The following RHBDD1 variants were observed in gnomAD, a reference collection of about 807,000 sequenced individuals.
RHBDD1 encodes the protein rhomboid domain containing 1.
Under a neutral mutation model 36.3 loss-of-function variants are expected in RHBDD1, and 38 were observed. The ratio of observed to expected loss-of-function variants is 1.05; its 90% CI spans 0.81 to 1.37. RHBDD1 has a LOEUF of 1.37. Among genes scored for constraint, RHBDD1 ranks in the 40% most tolerant of loss-of-function variants. The pLI is 0.00. For missense variants in RHBDD1, 393 were observed against 377.6 expected, an observed-to-expected ratio of 1.04 and a Z score of -0.34; for synonymous variants, 151 against 136.5, an observed-to-expected ratio of 1.11 and a Z score of -0.74.
At chr2:226,926,466 C>G (rs1204521494) in intron 8 of RHBDD1, among the ~76,000 whole-genome samples, 1 of 152,062 alleles carries the variant, frequency 6.6e-6, no homozygotes, top group African/African-American at 2.4e-5. Context: ...TTCAGGACAC[C>G]AGTCTCATTG....
chr2:226,916,922 G>C (rs1948946739), intron 8 of RHBDD1, among the ~76,000 whole-genome samples: 1 of 152,016 alleles, frequency 6.6e-6, no homozygotes, highest in South Asian at 2.1e-4. Flanking sequence ...TCAGTAATTT[G>C]GGCTCAGAGA....
intron 8 of RHBDD1, among the ~76,000 whole-genome samples, chr2:226,948,391 G>A (rs1951145678): frequency 7.1e-6 from 1 of 141,206 alleles, no homozygotes; most frequent in African/African-American, 2.6e-5. Flanking sequence ...CACAGGAAGG[G>A]GAATATCACA....
the RHBDD1 span, among the ~76,000 whole-genome samples, chr2:226,830,556 A>G: frequency 6.6e-6 from 1 of 152,188 alleles, no homozygotes; most frequent in Admixed American, 6.5e-5. Context: ...TGCAGTGGCT[A>G]TTCAAAGATG....
upstream of RHBDD1, among the ~76,000 whole-genome samples, chr2:226,832,403 G>C (rs550981135): frequency 6.6e-6 from 1 of 152,134 alleles, no homozygotes; most frequent in East Asian, 1.9e-4. Flanking sequence ...CTAACATAAG[G>C]CTATCCTGGA....
chr2:226,944,337 G>A (rs970111717), intron 8 of RHBDD1, among the ~76,000 whole-genome samples: 4 of 152,178 alleles, frequency 2.6e-5, no homozygotes, highest in Non-Finnish European at 5.9e-5. Context: ...CTGAGGCTCT[G>A]TGCCCCTAGA....
Position 226,998,696 on chromosome 2 carries a change from A to G in RHBDD1, c.*3174A>G, listed in dbSNP as rs1251472251. ...ATACTTAACAATACCTCCTCACTCA[A>G]TTCTACATAACTCCAGCTTAGTCTT... On this transcript the variant is annotated 3_prime_UTR_variant, in exon 9 of 9. Coordinates refer to ENST00000392062, the MANE Select transcript of RHBDD1 (RefSeq NM_001167608.3). 6.6e-6 allele frequency: 1 copy of G among 152,146 alleles called. No homozygotes were observed. Among genetic ancestry groups the G allele is most frequent in the Non-Finnish European group, 1.5e-5 (1 of 68,026 alleles). The allele number at this position is 152,146 out of a possible 1,614,324, so 9.4% of individuals were successfully genotyped here. A position where few individuals can be genotyped will look rare whatever the true frequency, so the allele number is the denominator to read the frequency against.
At chr2:226,801,153 G>A in the RHBDD1 span, among the ~76,000 whole-genome samples, 2 of 152,210 alleles carry the variant, frequency 1.3e-5, no homozygotes, top group African/African-American at 2.4e-5. Flanking sequence ...ACTGCAGGAT[G>A]CTGGCTGGGC....
At position 226,900,003 on chromosome 2, in the gene RHBDD1, T is replaced by G. The variant is rs10203862; in HGVS notation, c.567-6790T>G. Among the ~76,000 whole-genome samples the G allele has an allele frequency of 4.6e-3, 708 of 152,306 alleles. 7 individuals are homozygous for G. The highest frequency in any genetic ancestry group is 0.016 in the African/African-American group (680 of 41,568). ...CAGTTAAATACAGAATTACTTTGGT[T>G]TGGTGCTGATGTCTGAAATTCTTGT... On this transcript the variant is annotated intron_variant, in intron 5 of 8. Transcript: ENST00000392062.
intron 7 of RHBDD1, among the ~76,000 whole-genome samples, chr2:226,909,617 A>T (rs1682688863): frequency 6.6e-6 from 1 of 152,038 alleles, no homozygotes; most frequent in Non-Finnish European, 1.5e-5. Flanking sequence ...TCATGAGGGT[A>T]GGGCCCTCAT....
chr2:226,943,294 T>G (rs535740951), intron 8 of RHBDD1, among the ~76,000 whole-genome samples: 1 of 152,212 alleles, frequency 6.6e-6, no homozygotes, highest in East Asian at 1.9e-4. Context: ...AATATTAAAC[T>G]GATTAAAATT....
intron 8 of RHBDD1, among the ~76,000 whole-genome samples, chr2:226,983,086 G>C (rs1466057379): frequency 6.6e-6 from 1 of 152,182 alleles, no homozygotes. Context: ...AATGGTCAAA[G>C]GCAAACATAA....
the RHBDD1 span, among the ~76,000 whole-genome samples, chr2:226,815,254 C>T: frequency 3.1e-3 from 478 of 152,210 alleles, 4 homozygotes; most frequent in African/African-American, 0.011. Context: ...TTGTTGGTAA[C>T]TTTGAGAGCA....
In RHBDD1 at chr2:226,898,264, A is replaced by G. The variant is rs79393153; in HGVS notation, c.567-8529A>G. On this transcript the variant is annotated intron_variant, in intron 5 of 8. Transcript: ENST00000392062. ...TTGTCTTATTAGCAGGCGTAGGGAC[A>G]TGGAATTGAGAGCCAAGGAATTGCT... Among the ~76,000 whole-genome samples, 916 of 152,344 alleles carry G rather than the reference A, an allele frequency of 6.0e-3. 8 individuals carry two copies. Among genetic ancestry groups the G allele is most frequent in the African/African-American group, 0.021 (868 of 41,568 alleles).
the RHBDD1 span, chr2:226,808,491 C>G: frequency 6.6e-6 from 1 of 152,234 alleles, no homozygotes; most frequent in South Asian, 2.1e-4. Context: ...ACTTGAAAGG[C>G]TGGAGCCTGG....
intron 8 of RHBDD1, among the ~76,000 whole-genome samples, chr2:226,958,365 C>T (rs1337762668): frequency 6.6e-6 from 1 of 151,976 alleles, no homozygotes; most frequent in Non-Finnish European, 1.5e-5. Flanking sequence ...GAGCCAAGGC[C>T]TAAAGGTAGT....
intron 8 of RHBDD1, among the ~76,000 whole-genome samples, chr2:226,979,724 G>A (rs368796004): frequency 3.3e-5 from 5 of 152,158 alleles, no homozygotes; most frequent in South Asian, 4.1e-4. Context: ...TCTCTCAGTC[G>A]CCTGACTTGA....
At chr2:226,881,546 A>C (rs542810314) in intron 5 of RHBDD1, among the ~76,000 whole-genome samples, 1 of 152,320 alleles carries the variant, frequency 6.6e-6, no homozygotes, top group South Asian at 2.1e-4. Flanking sequence ...GTTATCTGTC[A>C]GAGCATTATT....
chr2:226,830,329 A>G, the RHBDD1 span, among the ~76,000 whole-genome samples: 2 of 152,202 alleles, frequency 1.3e-5, no homozygotes, highest in Admixed American at 1.3e-4. Context: ...GCAGGCACTC[A>G]TCAATCTGCC....
chr2:226,835,718 C>G (rs1490461468), upstream of RHBDD1: 1 of 152,336 alleles, frequency 6.6e-6, no homozygotes, highest in Non-Finnish European at 1.5e-5. Flanking sequence ...GTCCCTTGAA[C>G]GCAGGTCGCT....
Sources: gnomAD v4.1 joint callset for allele counts (sites outside exome capture counted in the v4.1 genomes callset) on GRCh38, gnomAD v4.1.1 for gene constraint, MANE v1.5 for transcripts, NCBI Gene and HGNC (gene_info 2026-07-23, HGNC 2026-07-21) for gene names.